Variants in FBXO4 observed in about 807,000 individuals in gnomAD.
The protein encoded by FBXO4 is F-box only protein 4.
Under a neutral mutation model 43.7 loss-of-function variants are expected in FBXO4, and 36 were observed. The ratio of observed to expected loss-of-function variants is 0.82; its 90% CI spans 0.63 to 1.09. FBXO4 has a LOEUF of 1.09. Among genes scored for constraint, FBXO4 ranks in the 50% least tolerant of loss-of-function variants. The pLI is 0.00. For missense variants in FBXO4, 435 were observed against 474.1 expected, an observed-to-expected ratio of 0.92 and a Z score of 0.77; for synonymous variants, 180 against 165.6, an observed-to-expected ratio of 1.09 and a Z score of -0.67.
chr5:41,985,162 A>G, the FBXO4 span, among the ~76,000 whole-genome samples: 5 of 152,328 alleles, frequency 3.3e-5, no homozygotes, highest in African/African-American at 1.2e-4. Flanking sequence ...TCGTCAAATC[A>G]GAGTATACCA....
At chr5:41,963,258 G>GT in the FBXO4 span, among the ~76,000 whole-genome samples, 12,067 of 151,748 alleles carry the variant, frequency 0.08, 690 homozygotes, top group African/African-American at 0.16. Flanking sequence ...GATTAAAAAT[G>GT]TTTTGAAATT....
At chr5:42,022,643 T>A in the FBXO4 span, among the ~76,000 whole-genome samples, 1 of 152,144 alleles carries the variant, frequency 6.6e-6, no homozygotes, top group East Asian at 1.9e-4. Flanking sequence ...CATTATCTTA[T>A]AGACATAATT....
chr5:41,983,517 T>G, the FBXO4 span, among the ~76,000 whole-genome samples: 9 of 152,172 alleles, frequency 5.9e-5, no homozygotes, highest in African/African-American at 2.2e-4. Flanking sequence ...GAGTCATCAT[T>G]TTATTATGAA....
At chr5:42,026,230 G>A in the FBXO4 span, among the ~76,000 whole-genome samples, 1 of 151,760 alleles carries the variant, frequency 6.6e-6, no homozygotes, top group Admixed American at 6.6e-5. Context: ...ATGTTTTATA[G>A]TTTGCCTTAT....
At chr5:42,000,431 C>T in the FBXO4 span, among the ~76,000 whole-genome samples, 1 of 152,108 alleles carries the variant, frequency 6.6e-6, no homozygotes, top group Non-Finnish European at 1.5e-5. Context: ...GTTCAGTTTT[C>T]ATTGTGTTAC....
chr5:42,031,271 T>C, the FBXO4 span, among the ~76,000 whole-genome samples: 188 of 152,204 alleles, frequency 1.2e-3, no homozygotes, highest in African/African-American at 3.9e-3. Context: ...TGGAATACTA[T>C]GCAGCCATAA....
the FBXO4 span, among the ~76,000 whole-genome samples, chr5:41,999,536 C>CACACATAT: frequency 1.3e-5 from 1 of 79,882 alleles, no homozygotes; most frequent in African/African-American, 7.2e-5. Flanking sequence ...TATATATATA[C>CACACATAT]ATATATATGT....
chr5:41,985,920 G>A, the FBXO4 span, among the ~76,000 whole-genome samples: 2,285 of 152,034 alleles, frequency 0.015, 55 homozygotes, highest in African/African-American at 0.046. Flanking sequence ...AGGAAAAGTC[G>A]AACTGTTAAA....
At chr5:41,951,532 G>C in the FBXO4 span, 65 of 259,672 alleles carry the variant, frequency 2.5e-4, no homozygotes, top group East Asian at 4.6e-3. Flanking sequence ...ATTCCTCCTT[G>C]GTCACAGCTT....
chr5:41,967,017 T>C, the FBXO4 span: 3 of 258,752 alleles, frequency 1.2e-5, no homozygotes, highest in East Asian at 3.2e-4. Context: ...TTTCAATAAA[T>C]GCAAAGCATC....
chr5:41,992,525 C>T, the FBXO4 span, among the ~76,000 whole-genome samples: 1 of 152,150 alleles, frequency 6.6e-6, no homozygotes, highest in Non-Finnish European at 1.5e-5. Flanking sequence ...AATCCCAGAG[C>T]TAACATTTCT....
the FBXO4 span, among the ~76,000 whole-genome samples, chr5:42,030,912 C>T: frequency 6.6e-6 from 1 of 152,154 alleles, no homozygotes; most frequent in Non-Finnish European, 1.5e-5. Context: ...AATGAGATAC[C>T]ATCTCACACC....
chr5:41,946,119 G>T (rs1221591286), downstream of FBXO4, among the ~76,000 whole-genome samples: 2 of 152,096 alleles, frequency 1.3e-5, no homozygotes, highest in African/African-American at 4.8e-5. Flanking sequence ...GGCATATCCA[G>T]TGCATTGTTG....
the FBXO4 span, among the ~76,000 whole-genome samples, chr5:42,040,223 T>C: frequency 6.6e-6 from 1 of 152,132 alleles, no homozygotes; most frequent in Non-Finnish European, 1.5e-5. Flanking sequence ...ATAGCCCATA[T>C]ACCTTTCATA....
intron 2 of FBXO4, among the ~76,000 whole-genome samples, chr5:41,927,799 T>C (rs1245748992): frequency 2.0e-5 from 3 of 152,206 alleles, no homozygotes; most frequent in African/African-American, 4.8e-5. Context: ...GTGTTATCTT[T>C]GTATCCCAGA....
the FBXO4 span, among the ~76,000 whole-genome samples, chr5:41,986,554 T>C: frequency 6.6e-6 from 1 of 152,166 alleles, no homozygotes; most frequent in Non-Finnish European, 1.5e-5. Context: ...AAGAACAAAA[T>C]GTGATGCTAC....
chr5:41,987,364 A>C, the FBXO4 span, among the ~76,000 whole-genome samples: 2 of 152,144 alleles, frequency 1.3e-5, no homozygotes, highest in Admixed American at 6.6e-5. Context: ...TAACCTGGGA[A>C]GTTAAATAAT....
At chr5:41,928,517 G>C (rs1579973309) in intron 2 of FBXO4, 1 of 153,236 alleles carries the variant, frequency 6.5e-6, no homozygotes, top group Admixed American at 6.5e-5. Flanking sequence ...TGTATTTTTA[G>C]TAGAGACGGG....
At chr5:42,030,461 A>G in the FBXO4 span, among the ~76,000 whole-genome samples, 4,294 of 152,086 alleles carry the variant, frequency 0.028, 99 homozygotes, top group South Asian at 0.061. Flanking sequence ...TTAATTCAAG[A>G]TGGATTAAAG....
Sources: allele counts gnomAD v4.1 joint callset (sites outside exome capture counted in the v4.1 genomes callset), GRCh38; gene constraint gnomAD v4.1.1; transcripts MANE v1.5; gene names NCBI Gene and HGNC (gene_info 2026-07-23, HGNC 2026-07-21).